Variants in KIF13B observed in about 807,000 individuals in gnomAD.
KIF13B encodes kinesin family member 13B.
A neutral mutation model predicts 222.0 loss-of-function variants in KIF13B; 127 were observed. The observed-to-expected ratio is 0.57, with a 90% CI of 0.50 to 0.66. The LOEUF is 0.66. KIF13B is among the 30% of genes least tolerant of loss of function. The probability of loss-of-function intolerance (pLI) is 0.00; values close to 1 mark genes in which losing one functional copy is unlikely to be tolerated. For synonymous variants in KIF13B, 976 were observed against 919.0 expected (o/e 1.06, Z -1.12); for missense variants, 2,173 against 2,379.0 (o/e 0.91, Z 1.80).
intron 12 of KIF13B, among the ~76,000 whole-genome samples, chr8:29,161,887 C>T (rs1437301905): frequency 1.3e-5 from 2 of 152,082 alleles, no homozygotes; most frequent in Non-Finnish European, 2.9e-5. Context: ...ATCTTATATA[C>T]TGTTGTGTTC....
At chr8:29,209,723 G>C (rs1252770718) in intron 2 of KIF13B, among the ~76,000 whole-genome samples, 2 of 152,024 alleles carry the variant, frequency 1.3e-5, no homozygotes, top group African/African-American at 4.8e-5. Context: ...CTCTGAACTA[G>C]CATCTAGGGC....
intron 6 of KIF13B, among the ~76,000 whole-genome samples, chr8:29,185,222 C>T (rs1399434999): frequency 6.6e-6 from 1 of 152,098 alleles, no homozygotes; most frequent in Non-Finnish European, 1.5e-5. Context: ...TAGTTCTCAC[C>T]CAACTTCCCA....
At chr8:29,076,531 C>T (rs1257728552) in intron 37 of KIF13B, among the ~76,000 whole-genome samples, 1 of 152,196 alleles carries the variant, frequency 6.6e-6, no homozygotes, top group Non-Finnish European at 1.5e-5. Context: ...CGAGCCACAC[C>T]GCCCAGGCCT....
chr8:29,201,884 A>G (rs1478521887), intron 2 of KIF13B, among the ~76,000 whole-genome samples: 1 of 152,180 alleles, frequency 6.6e-6, no homozygotes, highest in Non-Finnish European at 1.5e-5. Flanking sequence ...TACTTTCCAT[A>G]CATGGAATGA....
intron 2 of KIF13B, among the ~76,000 whole-genome samples, chr8:29,225,621 T>G (rs940823005): frequency 6.6e-6 from 1 of 152,144 alleles, no homozygotes; most frequent in African/African-American, 2.4e-5. Flanking sequence ...GGAATAAAAG[T>G]TCAGTGTTTC....
At chr8:29,126,658 C>T (rs749599432) in intron 25 of KIF13B, 147 bp from the exon 26 acceptor site, 1 of 646,078 alleles carries the variant, frequency 1.5e-6, no homozygotes, top group African/African-American at 1.8e-5. Flanking sequence ...CACACCCTCA[C>T]TCTGGGTTTT....
chr8:29,092,760 A>G lies in KIF13B; in HGVS notation c.4443T>C (p.Ser1481=), dbSNP rs1414113006. 2 of 1,612,714 alleles carry G rather than the reference A, an allele frequency of 1.2e-6. No homozygotes were observed. Among genetic ancestry groups the G allele is most frequent in the African/African-American group, 1.3e-5 (1 of 74,926 alleles). The change falls in exon 37 of 40, where the codon TCT becomes TCC. Residue 1481 remains serine (S), a synonymous_variant. Transcript: ENST00000524189. The part of the protein sequence containing the change: ...VRDEKRGKRP[S]PLAHQPVPRI... ...TGCTTTTTACCTGGTGTGCGAGGGG[A>G]GACGGCCGCTTGCCCCTCTTCTCAT...
At chr8:29,102,757 G>C (rs1007832432) in intron 35 of KIF13B, among the ~76,000 whole-genome samples, 21 of 152,200 alleles carry the variant, frequency 1.4e-4, no homozygotes, top group Admixed American at 1.2e-3. Context: ...TCCTCCCAGG[G>C]CTGCGTGAAA....
At chr8:29,176,282 G>A (rs1428502500) in intron 9 of KIF13B, 103 bp from the exon 10 acceptor site, 2 of 677,570 alleles carry the variant, frequency 3.0e-6, no homozygotes, top group East Asian at 2.7e-5. Flanking sequence ...ACCTGCATGT[G>A]AGCAGCACCC....
intron 14 of KIF13B, 133 bp downstream of exon 14, chr8:29,155,593 G>A: frequency 4.3e-6 from 3 of 691,826 alleles, no homozygotes; most frequent in Non-Finnish European, 7.3e-6. Context: ...AAAGCTAAAT[G>A]TAAGGGGCCC....
rs1253979482 is a variant in KIF13B at position 29,092,863 on chromosome 8, G to A, written c.4340C>T (p.Ala1447Val). ...TTTGACAGGATTCAAGTAGGATGCT[G>A]CAAGGTTACTGAGTCCTGCCCATAT... is the stretch of plus-strand genomic sequence containing the variant. ...HSPDPGLSNL[A>V]ASYLNPVKSF... is the part of the protein sequence containing the mutation. The change falls in exon 37 of 40, where the codon GCA (alanine) becomes GTA (valine). Residue 1447 changes from alanine to valine, a missense_variant. Around this residue, in one of 2 missense-constraint regions of KIF13B, gnomAD observed 693 missense variants for 656.2 expected, o/e 1.06. Transcript: ENST00000524189. The A allele has an allele frequency of 1.9e-6, 3 of 1,610,546 alleles. No individual in the cohort carries two copies. The South Asian group carries it at 3.3e-5, about 18-fold the overall frequency.
rs1417572863 is a variant in KIF13B, at chr8:29,141,359, G to A, written c.2335-742C>T. ...AAAAAAAAAAAAGGTGAGCCCCTAT[G>A]GGAGTGGCTCTTTCATTATTTATTA... is the stretch of plus-strand genomic sequence containing the variant. On this transcript the variant is annotated intron_variant, in intron 19 of 39. Transcript: ENST00000524189. Among the ~76,000 whole-genome samples the A allele has an allele frequency of 2.6e-5, 4 of 151,914 alleles. No homozygotes were observed. The East Asian group carries it at 7.7e-4, about 29-fold the overall frequency.
chr8:29,209,257 C>T (rs1814097485), intron 2 of KIF13B, among the ~76,000 whole-genome samples: 2 of 152,246 alleles, frequency 1.3e-5, no homozygotes, highest in African/African-American at 2.4e-5. Context: ...CATGGGCAGT[C>T]GTACCCAGGC....
intron 2 of KIF13B, among the ~76,000 whole-genome samples, chr8:29,212,517 G>A (rs1360084883): frequency 2.0e-5 from 3 of 152,046 alleles, no homozygotes; most frequent in African/African-American, 7.3e-5. Context: ...TTTTCTCAAT[G>A]GAGTTTCTCT....
intron 2 of KIF13B, among the ~76,000 whole-genome samples, chr8:29,223,331 C>A (rs1191697883): frequency 2.4e-3 from 248 of 103,524 alleles, no homozygotes; most frequent in African/African-American, 2.7e-3. Context: ...GACCCTGTCT[C>A]AAAAAAAAAA....
rs777535814 is a variant in KIF13B at position 29,109,907 on chromosome 8, G to T, written c.4083+11C>A. On this transcript the variant is annotated intron_variant, in intron 33 of 39. Transcript: ENST00000524189. Reference sequence around the variant, plus strand: ...CCTCTGCTGCCCGCCCTATCCATGCGGTTGGCTAACCTGGCGCAGACGATC... The same window carrying T: ...CCTCTGCTGCCCGCCCTATCCATGCTGTTGGCTAACCTGGCGCAGACGATC... 1 of 1,612,504 alleles carries T rather than the reference G, an allele frequency of 6.2e-7. No homozygotes were observed. The highest frequency in any genetic ancestry group is 8.5e-7 in the Non-Finnish European group (1 of 1,179,456).
Position 29,167,503 on chromosome 8 carries a change from G to A in KIF13B, c.1028C>T (p.Thr343Ile). 6.2e-7 allele frequency: 1 copy of A among 1,614,032 alleles called. No homozygotes were observed. Among genetic ancestry groups the A allele is most frequent in the Non-Finnish European group, 8.5e-7 (1 of 1,179,858 alleles). Residue 343 changes from threonine to isoleucine, a missense_variant, in exon 11 of 40, where the codon ACT becomes ATT. Transcript: ENST00000524189. ...CTTGGCTCGATCTGCATACCGCAGA[G>A]TTGAGAGGGTTTCATCATAGTTATC... The part of the protein sequence containing the change: ...AADNYDETLS[T>I]LRYADRAKHI...
rs368776395 is a variant in KIF13B at position 29,188,501 on chromosome 8, T to A, written c.316+14A>T. 98 of 1,473,590 alleles carry A rather than the reference T, an allele frequency of 6.7e-5. 1 individual carries two copies. The African/African-American group carries it at 1.1e-3, about 16-fold the overall frequency. 91.3% of individuals were successfully genotyped at this position (1,473,590 alleles called of 1,614,324 possible). A position where few individuals can be genotyped will look rare whatever the true frequency, so the allele number is the denominator to read the frequency against. On this transcript the variant is annotated intron_variant, in intron 5 of 39. Transcript: ENST00000524189. ...TGATGGTTGTTTATGTGATTTCATG[T>A]TATTTAACATTACCAGTCTGTCCAT...
intron 2 of KIF13B, among the ~76,000 whole-genome samples, chr8:29,241,061 T>C (rs1251750984): frequency 4.6e-5 from 7 of 152,176 alleles, no homozygotes; most frequent in Non-Finnish European, 1.0e-4. Flanking sequence ...CAAATGCCCA[T>C]CAACTGATGA....
Sources: gnomAD v4.1 joint callset for allele counts (sites outside exome capture counted in the v4.1 genomes callset) on GRCh38, gnomAD v4.1.1 for gene constraint, gnomAD v4.1.1 regional missense constraint, MANE v1.5 for transcripts, NCBI Gene and HGNC (gene_info 2026-07-23, HGNC 2026-07-21) for gene names.